Variants in UBE2E2 observed in about 807,000 individuals in gnomAD.
UBE2E2 encodes ubiquitin conjugating enzyme E2 E2.
UBE2E2 carries 6 observed loss-of-function variants against 24.7 expected under a neutral mutation model. The observed-to-expected ratio is 0.24, with a 90% confidence interval of 0.13 to 0.48. UBE2E2 has a LOEUF of 0.48. UBE2E2 is among the 20% of genes least tolerant of loss of function. The probability of loss-of-function intolerance (pLI) is 0.99; values close to 1 mark genes in which losing one functional copy is unlikely to be tolerated. For synonymous variants in UBE2E2, 104 were observed against 83.6 expected, an observed-to-expected ratio of 1.24 and a Z score of -1.33; for missense variants, 169 against 245.0, an observed-to-expected ratio of 0.69 and a Z score of 2.07.
chr3:23,245,494 G>A (rs765053753), intron 3 of UBE2E2, among the ~76,000 whole-genome samples: 22 of 151,986 alleles, frequency 1.4e-4, no homozygotes, highest in Non-Finnish European at 3.2e-4. Flanking sequence ...AACCCTTAAA[G>A]GATATAATTC....
chr3:23,399,498 A>C (rs1697165154), intron 3 of UBE2E2, among the ~76,000 whole-genome samples: 1 of 152,168 alleles, frequency 6.6e-6, no homozygotes, highest in Non-Finnish European at 1.5e-5. Context: ...AATGGTGTGC[A>C]GTTAGGTTGG....
At chr3:23,425,979 C>G (rs1308076308) in intron 3 of UBE2E2, among the ~76,000 whole-genome samples, 1 of 152,084 alleles carries the variant, frequency 6.6e-6, no homozygotes, top group African/African-American at 2.4e-5. Flanking sequence ...CATTAAAATA[C>G]TAAGGGCTCT....
intron 3 of UBE2E2, among the ~76,000 whole-genome samples, chr3:23,374,154 C>G (rs1008853855): frequency 1.1e-4 from 17 of 152,026 alleles, no homozygotes; most frequent in Non-Finnish European, 2.2e-4. Context: ...TTAGGAATTT[C>G]AGCTTAATAA....
In UBE2E2 at chr3:23,481,042, T is replaced by A. The variant is rs949627995; in HGVS notation, c.228-18566T>A. Reference sequence around the variant, plus strand: ...TTATTAGATACAACATTTTAGCAAATATATGAAGTATCAATGGCTTTTGTA... The same window carrying A: ...TTATTAGATACAACATTTTAGCAAAAATATGAAGTATCAATGGCTTTTGTA... On this transcript the variant is annotated intron_variant, in intron 3 of 5. Coordinates refer to ENST00000396703, the MANE Select transcript of UBE2E2 (RefSeq NM_152653.4). Among the ~76,000 whole-genome samples, 71 of 152,228 alleles carry A rather than the reference T, an allele frequency of 4.7e-4. 1 individual carries two copies. The highest frequency in any genetic ancestry group is 8.8e-5 in the Non-Finnish European group (6 of 68,040).
intron 3 of UBE2E2, among the ~76,000 whole-genome samples, chr3:23,297,370 A>G (rs1321194066): frequency 5.9e-5 from 9 of 151,820 alleles, no homozygotes; most frequent in African/African-American, 1.7e-4. Context: ...TGTTTTAGAC[A>G]TGAAGTCCTT....
At chr3:23,470,201 G>C (rs1234045782) in intron 3 of UBE2E2, among the ~76,000 whole-genome samples, 1 of 152,192 alleles carries the variant, frequency 6.6e-6, no homozygotes, top group Non-Finnish European at 1.5e-5. Context: ...TACTGTTACT[G>C]TGCCCCTCCT....
chr3:23,329,065 C>T (rs1027079553), intron 3 of UBE2E2, among the ~76,000 whole-genome samples: 5 of 152,146 alleles, frequency 3.3e-5, no homozygotes, highest in African/African-American at 1.2e-4. Flanking sequence ...ATCTTATTTG[C>T]TAAAGTAGAC....
At chr3:23,513,097 A>G (rs1443843572) in intron 4 of UBE2E2, among the ~76,000 whole-genome samples, 2 of 152,226 alleles carry the variant, frequency 1.3e-5, no homozygotes, top group African/African-American at 4.8e-5. Flanking sequence ...AGGAAATAAC[A>G]TATAAAGCAA....
intron 3 of UBE2E2, among the ~76,000 whole-genome samples, chr3:23,228,158 A>G (rs1240930575): frequency 6.6e-6 from 1 of 152,234 alleles, no homozygotes; most frequent in Admixed American, 6.5e-5. Flanking sequence ...TCTGCCTTTA[A>G]TCATAGCTTT....
At chr3:23,481,024 A>G (rs1699248103) in intron 3 of UBE2E2, among the ~76,000 whole-genome samples, 1 of 152,222 alleles carries the variant, frequency 6.6e-6, no homozygotes, top group Non-Finnish European at 1.5e-5. Context: ...AAATTATTAG[A>G]TACAACATTT....
chr3:23,296,776 C>T (rs893690191), intron 3 of UBE2E2, among the ~76,000 whole-genome samples: 19 of 152,144 alleles, frequency 1.2e-4, no homozygotes, highest in Non-Finnish European at 2.5e-4. Context: ...CATACGTATG[C>T]ATGTGTCTTC....
intron 3 of UBE2E2, among the ~76,000 whole-genome samples, chr3:23,440,556 A>G (rs1698282596): frequency 6.6e-6 from 1 of 152,244 alleles, no homozygotes; most frequent in Non-Finnish European, 1.5e-5. Flanking sequence ...AGAAAATTGT[A>G]TTTCTCGATA....
intron 3 of UBE2E2, among the ~76,000 whole-genome samples, chr3:23,469,149 C>T (rs1046498255): frequency 1.2e-4 from 19 of 152,136 alleles, no homozygotes; most frequent in Admixed American, 1.0e-3. Flanking sequence ...GTTCTCTGTT[C>T]TGGGTTACAG....
chr3:23,333,973 GTTAAA>G (rs1382516155), intron 3 of UBE2E2, among the ~76,000 whole-genome samples: 1 of 152,054 alleles, frequency 6.6e-6, no homozygotes, highest in Non-Finnish European at 1.5e-5. Flanking sequence ...TTGTATTATT[GTTAAA>G]TTAAAAGTTT....
chr3:23,239,471 G>A (rs1459016485), intron 3 of UBE2E2, among the ~76,000 whole-genome samples: 2 of 151,522 alleles, frequency 1.3e-5, no homozygotes, highest in Middle Eastern at 3.4e-3. Flanking sequence ...ACCACGAATC[G>A]ACTTTCTGTC....
At chr3:23,495,745 T>C (rs1699585104) in intron 3 of UBE2E2, among the ~76,000 whole-genome samples, 1 of 152,208 alleles carries the variant, frequency 6.6e-6, no homozygotes, top group African/African-American at 2.4e-5. Context: ...AAAGCTTTAT[T>C]GTCATCTGGG....
intron 3 of UBE2E2, among the ~76,000 whole-genome samples, chr3:23,350,422 A>G (rs1013825031): frequency 1.3e-5 from 2 of 152,252 alleles, no homozygotes; most frequent in East Asian, 3.8e-4. Flanking sequence ...AAGGCTTCAG[A>G]CAATCAAACT....
intron 4 of UBE2E2, among the ~76,000 whole-genome samples, chr3:23,528,049 C>G (rs964382976): frequency 1.1e-4 from 17 of 152,138 alleles, no homozygotes; most frequent in Admixed American, 7.2e-4. Flanking sequence ...GAGAAGCAGT[C>G]TTGTGGGACT....
chr3:23,590,014 C>A lies in UBE2E2; in HGVS notation c.*183C>A. The stretch of plus-strand genomic sequence containing the variant: ...TTCTTCCTGCCCCCCTTCCTCTCTC[C>A]CACGCTCTCTTTTATCTCTCATTTT... On this transcript the variant is annotated 3_prime_UTR_variant, in exon 6 of 6. Coordinates refer to ENST00000396703, the MANE Select transcript of UBE2E2 (RefSeq NM_152653.4). The A allele has an allele frequency of 5.0e-5, 27 of 535,800 alleles. No homozygotes were observed. The highest frequency in any genetic ancestry group is 2.3e-4 in the South Asian group (7 of 30,976). 33.2% of individuals were successfully genotyped at this position (535,800 alleles called of 1,614,324 possible).
Sources: gnomAD v4.1 joint callset for allele counts (sites outside exome capture counted in the v4.1 genomes callset) on GRCh38, gnomAD v4.1.1 for gene constraint, MANE v1.5 for transcripts, NCBI Gene and HGNC (gene_info 2026-07-23, HGNC 2026-07-21) for gene names.